DERA: variants seen among roughly 807,000 people sequenced by gnomAD.
DERA encodes 2-deoxy-D-ribose 5-phosphate aldolase.
In DERA, 15 loss-of-function variants were observed where a neutral mutation model predicts 41.1. The ratio of observed to expected loss-of-function variants is 0.37; its 90% CI spans 0.24 to 0.56. The LOEUF is 0.56. Ranked by LOEUF, DERA falls within the 20% of genes least tolerant of loss-of-function variation. The pLI is 0.81. For missense variants in DERA, 396 were observed against 403.4 expected (o/e 0.98, Z 0.16); for synonymous variants, 139 against 137.4 (o/e 1.01, Z -0.08).
rs1948359733 is a variant in DERA at position 15,935,722 on chromosome 12, C to T, written c.32-21214C>T. Among the ~76,000 whole-genome samples, 1 of 152,076 alleles carries T rather than the reference C, an allele frequency of 6.6e-6. No individual in the cohort carries two copies. The highest frequency in any genetic ancestry group is 1.5e-5 in the Non-Finnish European group (1 of 68,010). Reference sequence around the variant, plus strand: ...TACTAGAATCTTTTCATATTGGTTTCTATATGTTGTTTGTTGTTGTGTAAT... The same window carrying T: ...TACTAGAATCTTTTCATATTGGTTTTTATATGTTGTTTGTTGTTGTGTAAT... On this transcript the variant is annotated intron_variant, in intron 1 of 8. Transcript: ENST00000428559. The surrounding 1 kb of genome is among the most constrained non-coding windows in gnomAD (Gnocchi z 4.8).
rs556393849 is a variant in DERA at position 15,931,551 on chromosome 12, A to G, written c.31+20137A>G. Among the ~76,000 whole-genome samples the G allele has an allele frequency of 2.6e-5, 4 of 152,312 alleles. No individual in the cohort carries two copies. The East Asian group carries it at 7.7e-4, about 29-fold the overall frequency. ...GTTTTCCCAGAGTACATTAAGTTGA[A>G]AAACTACATGTTTGGAAATCTAAAT... On this transcript the variant is annotated intron_variant, in intron 1 of 8. Coordinates refer to ENST00000428559, the MANE Select transcript of DERA (RefSeq NM_015954.4). This position sits in a 1 kb window ranked among gnomAD's most constrained non-coding sequence, Gnocchi z 4.6.
In DERA at chr12:15,966,706, G is replaced by A. The variant is rs577566607; in HGVS notation, c.508+3759G>A. Among the ~76,000 whole-genome samples the A allele has an allele frequency of 6.6e-5, 10 of 151,996 alleles. No individual in the cohort carries two copies. Among genetic ancestry groups the A allele is most frequent in the Admixed American group, 2.0e-4 (3 of 15,282 alleles). ...CCTTTCTGTTTCTGATTACCCCTGC[G>A]TCTCATTTGCAAGCTCCTTCACCTC... On this transcript the variant is annotated intron_variant, in intron 5 of 8. Transcript: ENST00000428559. This position sits in a 1 kb window ranked among gnomAD's most constrained non-coding sequence, Gnocchi z 5.1.
chr12:15,932,460 C>G (rs572107892), intron 1 of DERA, among the ~76,000 whole-genome samples: 8 of 152,000 alleles, frequency 5.3e-5, no homozygotes, highest in South Asian at 2.1e-4. Context: ...GACTAGTCTG[C>G]ACAACATGAC....
At chr12:15,978,817 C>G (rs1432031308) in intron 5 of DERA, among the ~76,000 whole-genome samples, 2 of 152,206 alleles carry the variant, frequency 1.3e-5, no homozygotes, top group African/African-American at 4.8e-5. Context: ...AACACCATCA[C>G]TGCTGCCACC....
rs555786483 is a variant in DERA at position 15,959,983 on chromosome 12, A to G, written c.373+59A>G. The G allele has an allele frequency of 1.1e-5, 14 of 1,260,250 alleles. No homozygotes were observed. The African/African-American group carries it at 1.9e-4, about 17-fold the overall frequency. The allele number at this position is 1,260,250 out of a possible 1,614,324, so 78.1% of individuals were successfully genotyped here. On this transcript the variant is annotated intron_variant, in intron 4 of 8. Coordinates refer to ENST00000428559, the MANE Select transcript of DERA (RefSeq NM_015954.4). The surrounding 1 kb of genome is among the most constrained non-coding windows in gnomAD (Gnocchi z 4.5). ...TAAACATGTTTCCAGTTCTTCATAC[A>G]ATGGGGTATTATATGTAGGTTTGTA... is the stretch of plus-strand genomic sequence containing the variant.
rs1335222242 is a variant in DERA at position 15,985,922 on chromosome 12, G to T, written c.637+3486G>T. ...AGTTTTGTTTTCTTTTTGGTCTACT[G>T]GTTCTGTTTATTACTAAGAGAGTGT... is the stretch of plus-strand genomic sequence containing the variant. On this transcript the variant is annotated intron_variant, in intron 6 of 8. Transcript: ENST00000428559. This position sits in a 1 kb window ranked among gnomAD's most constrained non-coding sequence, Gnocchi z 4.2. Among the ~76,000 whole-genome samples, 4 of 152,034 alleles carry T rather than the reference G, an allele frequency of 2.6e-5. No individual in the cohort carries two copies. Among genetic ancestry groups the T allele is most frequent in the African/African-American group, 9.7e-5 (4 of 41,398 alleles).
chr12:15,975,680 A>T (rs2136157970), intron 5 of DERA, among the ~76,000 whole-genome samples: 1 of 152,382 alleles, frequency 6.6e-6, no homozygotes, highest in South Asian at 2.1e-4. Flanking sequence ...GTTAGAAACA[A>T]GGTGGAGTCA....
At chr12:16,032,065 T>C (rs1391774126) in intron 6 of DERA, among the ~76,000 whole-genome samples, 1 of 152,200 alleles carries the variant, frequency 6.6e-6, no homozygotes, top group Non-Finnish European at 1.5e-5. Flanking sequence ...CTTTCATTAA[T>C]GAACAATGCA....
At chr12:15,932,952 A>C (rs1948339951) in intron 1 of DERA, among the ~76,000 whole-genome samples, 1 of 152,198 alleles carries the variant, frequency 6.6e-6, no homozygotes. Flanking sequence ...TATTTCACTT[A>C]ATGTAATACC....
chr12:15,917,499 CTT>C (rs989683370), intron 1 of DERA, among the ~76,000 whole-genome samples: 1 of 152,158 alleles, frequency 6.6e-6, no homozygotes, highest in Non-Finnish European at 1.5e-5. Flanking sequence ...AACATAATCT[CTT>C]TTAATTCTCC....
chr12:15,977,827 C>T (rs1948708547), intron 5 of DERA, among the ~76,000 whole-genome samples: 1 of 152,152 alleles, frequency 6.6e-6, no homozygotes, highest in Non-Finnish European at 1.5e-5. Flanking sequence ...GGTTAAATAG[C>T]GTGTGGAGAA....
chr12:16,016,749 A>T (rs998822127), intron 6 of DERA, among the ~76,000 whole-genome samples: 2 of 125,966 alleles, frequency 1.6e-5, no homozygotes, highest in Non-Finnish European at 3.2e-5. Flanking sequence ...CCATGATTGC[A>T]CCACTGCACT....
At position 15,932,813 on chromosome 12, in the gene DERA, G is replaced by A. The variant is rs572717772; in HGVS notation, c.31+21399G>A. On this transcript the variant is annotated intron_variant, in intron 1 of 8. Transcript: ENST00000428559. The stretch of plus-strand genomic sequence containing the variant: ...CTTGAACTCAATAGATCTTCTAACC[G>A]AAATTTTTGTACCCTTTGACCAACA... Among the ~76,000 whole-genome samples, 24 of 152,182 alleles carry A rather than the reference G, an allele frequency of 1.6e-4. 1 individual carries two copies. In the South Asian group the frequency reaches 5.0e-3, roughly 32 times the overall value.
At chr12:15,917,985 A>G (rs1448617093) in intron 1 of DERA, among the ~76,000 whole-genome samples, 2 of 152,180 alleles carry the variant, frequency 1.3e-5, no homozygotes, top group Admixed American at 6.5e-5. Flanking sequence ...AGATTCATCT[A>G]CCTATCATCT....
chr12:15,920,693 C>T (rs551073464), intron 1 of DERA, among the ~76,000 whole-genome samples: 14 of 152,244 alleles, frequency 9.2e-5, no homozygotes, highest in African/African-American at 2.6e-4. Flanking sequence ...ATTAGCTGGG[C>T]GTGGTGGCAC....
intron 6 of DERA, among the ~76,000 whole-genome samples, chr12:15,986,499 A>G (rs1304223637): frequency 6.6e-6 from 1 of 152,134 alleles, no homozygotes; most frequent in East Asian, 1.9e-4. Context: ...CAAAATTTTT[A>G]AGTGGTTGCT....
chr12:15,981,423 T>A lies in DERA; in HGVS notation c.509-885T>A, dbSNP rs1432275166. Among the ~76,000 whole-genome samples, 1 of 152,180 alleles carries A rather than the reference T, an allele frequency of 6.6e-6. No individual in the cohort carries two copies. The highest frequency in any genetic ancestry group is 1.5e-5 in the Non-Finnish European group (1 of 68,026). On this transcript the variant is annotated intron_variant, in intron 5 of 8. Coordinates refer to ENST00000428559, the MANE Select transcript of DERA (RefSeq NM_015954.4). This position sits in a 1 kb window ranked among gnomAD's most constrained non-coding sequence, Gnocchi z 6.1. ...CAAATACAAAGGAAAGAAAAAGCCTTGGTCTTGTTACCATGGCAGTAGCCT... is the reference window on the plus strand; with the variant it reads ...CAAATACAAAGGAAAGAAAAAGCCTAGGTCTTGTTACCATGGCAGTAGCCT...
At position 15,913,621 on chromosome 12, in the gene DERA, A is replaced by G. The variant is rs139724458; in HGVS notation, c.31+2207A>G. Among the ~76,000 whole-genome samples, 45 of 152,308 alleles carry G rather than the reference A, an allele frequency of 3.0e-4. No homozygotes were observed. The highest frequency in any genetic ancestry group is 5.4e-4 in the Non-Finnish European group (37 of 68,024). On this transcript the variant is annotated intron_variant, in intron 1 of 8. Coordinates refer to ENST00000428559, the MANE Select transcript of DERA (RefSeq NM_015954.4). This position sits in a 1 kb window ranked among gnomAD's most constrained non-coding sequence, Gnocchi z 4.5. ...ATGTTGTAATATTATTACTAGTCCA[A>G]TCACTGTTATTTATGATTTGGTGTA... is the stretch of plus-strand genomic sequence containing the variant.
At chr12:16,005,525 C>G (rs190618443) in intron 6 of DERA, among the ~76,000 whole-genome samples, 3 of 152,230 alleles carry the variant, frequency 2.0e-5, no homozygotes, top group Non-Finnish European at 4.4e-5. Context: ...CTATTTTCTG[C>G]TAAAACTGAT....
Sources: allele counts gnomAD v4.1 joint callset (sites outside exome capture counted in the v4.1 genomes callset), GRCh38; gene constraint gnomAD v4.1.1; non-coding constraint Gnocchi (gnomAD v3.1); transcripts MANE v1.5; gene names NCBI Gene and HGNC (gene_info 2026-07-23, HGNC 2026-07-21).